MEIS3: variants seen among roughly 807,000 people sequenced by gnomAD.
The protein encoded by MEIS3 is homeobox protein Meis3.
In MEIS3, 38 loss-of-function variants were observed where a neutral mutation model predicts 51.4. The ratio of observed to expected loss-of-function variants is 0.74; its 90% CI spans 0.57 to 0.97. MEIS3 has a LOEUF of 0.97. MEIS3 is among the 50% of genes least tolerant of loss of function. MEIS3 has a pLI of 0.00. For missense variants in MEIS3, 456 were observed against 502.6 expected (o/e 0.91, Z 0.89); for synonymous variants, 198 against 201.8 (o/e 0.98, Z 0.16).
Position 47,406,884 on chromosome 19 carries a change from T to C in MEIS3, c.1078+4A>G, listed in dbSNP as rs1161511484. On this transcript the variant is annotated splice_donor_region_variant and intron_variant, in intron 11 of 12. Transcript: ENST00000558555. ...CGGGGCCTAGCTAAGGGGGCGAGGC[T>C]TACCCGGAGGCCGGACGGCCACGTG... is the stretch of plus-strand genomic sequence containing the variant. 1 of 1,567,474 alleles carries C rather than the reference T, an allele frequency of 6.4e-7. No homozygotes were observed. Among genetic ancestry groups the C allele is most frequent in the Admixed American group, 1.8e-5 (1 of 54,364 alleles).
At chr19:47,407,004 C>T in intron 10 of MEIS3, 33 bp from the exon 11 acceptor site, 2 of 1,574,684 alleles carry the variant, frequency 1.3e-6, no homozygotes, top group Non-Finnish European at 1.7e-6. Flanking sequence ...CAGGCTGAGC[C>T]CCAGGAAGCC....
At chr19:47,420,896 T>G (rs1215226890), upstream of MEIS3, among the ~76,000 whole-genome samples, 5 of 62,508 alleles carry the variant, frequency 8.0e-5, no homozygotes, top group African/African-American at 2.8e-4. Flanking sequence ...TCTCTCGCTC[T>G]CTCTCTCTCT....
chr19:47,416,593 G>C, intron 4 of MEIS3, 59 bp downstream of exon 4: 2 of 1,365,816 alleles, frequency 1.5e-6, no homozygotes. Flanking sequence ...CCCAGGGATG[G>C]GGCGTCAGGG....
At chr19:47,410,524 T>C (rs1442345736) in intron 6 of MEIS3, among the ~76,000 whole-genome samples, 1 of 150,738 alleles carries the variant, frequency 6.6e-6, no homozygotes, top group Non-Finnish European at 1.5e-5. Context: ...CCCATCACTG[T>C]GGGAGGCCCA....
At chr19:47,417,151 A>G in intron 2 of MEIS3, 27 bp downstream of exon 2, 5 of 1,534,600 alleles carry the variant, frequency 3.3e-6, no homozygotes, top group Non-Finnish European at 4.4e-6. Context: ...AGAGAGAGAC[A>G]GGAGCCTGAG....
Position 47,409,519 on chromosome 19 carries a change from T to C in MEIS3, c.626A>G (p.Asp209Gly), listed in dbSNP as rs1971020170. 1 of 1,613,964 alleles carries C rather than the reference T, an allele frequency of 6.2e-7. No homozygotes were observed. The highest frequency in any genetic ancestry group is 1.7e-5 in the Admixed American group (1 of 60,014). The change falls in exon 7 of 13, where the codon GAT (aspartate) becomes GGT (glycine). Residue 209 changes from aspartate to glycine, a missense_variant. Transcript: ENST00000558555. ...QNNMWIRDHE[D>G]SGSVHLGTPG... ...GGTCCCCAAATGTACAGACCCACTA[T>C]CCTCATGGTCTCGAATCCACATATT...
upstream of MEIS3, among the ~76,000 whole-genome samples, chr19:47,420,940 A>ACACACACACACTCTCTAT (rs1187725467): frequency 1.1e-5 from 1 of 90,972 alleles, no homozygotes; most frequent in Non-Finnish European, 2.1e-5. Context: ...ACACACACAC[A>ACACACACACACTCTCTAT]CTCTCTCTCT....
Position 47,406,434 on chromosome 19 carries a change from A to G in MEIS3, c.*17+26T>C, listed in dbSNP as rs757704265. On this transcript the variant is annotated intron_variant, in intron 12 of 12. Coordinates refer to ENST00000558555, the MANE Select transcript of MEIS3 (RefSeq NM_001301059.2). ...TCTAATGGAGGTTTGAGAATTGCAC[A>G]ATCCCCAGCCCTTAGACCCTCACAC... is the stretch of plus-strand genomic sequence containing the variant. 1.9e-6 allele frequency: 3 copies of G among 1,598,580 alleles called. No individual in the cohort carries two copies. In the East Asian group the frequency reaches 6.7e-5, roughly 36 times the overall value.
intron 8 of MEIS3, chr19:47,407,702 C>A: frequency 6.2e-6 from 4 of 647,660 alleles, no homozygotes; most frequent in Non-Finnish European, 9.4e-6. Context: ...GGAGGGGGCT[C>A]CTGTGGCGTG....
At chr19:47,409,586 G>A (rs371282813) in intron 6 of MEIS3, 39 bp from the exon 7 acceptor site, 32 of 1,486,744 alleles carry the variant, frequency 2.2e-5, no homozygotes, top group Non-Finnish European at 2.8e-5. Context: ...CAAGGCGGCC[G>A]GGCGCAGTGG....
chr19:47,408,181 C>T (rs536362175), intron 8 of MEIS3, among the ~76,000 whole-genome samples: 196 of 152,190 alleles, frequency 1.3e-3, no homozygotes, highest in African/African-American at 4.5e-3. Flanking sequence ...GGCTGGAGTG[C>T]AGTGGCGCCT....
intron 12 of MEIS3, among the ~76,000 whole-genome samples, chr19:47,404,028 C>T (rs533911677): frequency 4.3e-4 from 66 of 152,058 alleles, no homozygotes; most frequent in Non-Finnish European, 8.2e-4. Flanking sequence ...AAAGCGAGAC[C>T]CGTCTCTACA....
chr19:47,411,216 G>A lies in MEIS3; in HGVS notation c.598-1669C>T, dbSNP rs546217731. ...CCTCCCAAAGTCTTGGATAACAGGC[G>A]TGAGCCACTGCGCCAGGCCCATTTC... On this transcript the variant is annotated intron_variant, in intron 6 of 12. Transcript: ENST00000558555. Among the ~76,000 whole-genome samples, 25 of 152,176 alleles carry A rather than the reference G, an allele frequency of 1.6e-4. 1 individual carries two copies. The South Asian group carries it at 4.4e-3, about 27-fold the overall frequency.
intron 8 of MEIS3, among the ~76,000 whole-genome samples, chr19:47,407,971 T>G (rs1970933817): frequency 6.6e-6 from 1 of 152,144 alleles, no homozygotes; most frequent in South Asian, 2.1e-4. Flanking sequence ...CATGCCCGAC[T>G]AATTTTTTGT....
intron 4 of MEIS3, 28 bp downstream of exon 4, chr19:47,416,624 G>A (rs1192369815): frequency 2.0e-6 from 3 of 1,492,628 alleles, no homozygotes; most frequent in African/African-American, 2.8e-5. Context: ...ATTGGAGGAG[G>A]GGGTGTGGGG....
rs71962567 is a variant in MEIS3, at chr19:47,417,914, TCC to T, written c.13-566_13-565del. On this transcript the variant is annotated intron_variant, in intron 1 of 12. Transcript: ENST00000558555. ...CACTCATGTGTCAGTCACACCCAAA[TCC>T]CCCCCCCCACACACACATGCACACA... 1,325 of 496,830 alleles carry T rather than the reference TCC, an allele frequency of 2.7e-3. 8 individuals carry two copies. Among genetic ancestry groups the T allele is most frequent in the African/African-American group, 0.02 (946 of 46,426 alleles). 30.8% of individuals were successfully genotyped at this position (496,830 alleles called of 1,614,324 possible).
At chr19:47,417,048 G>A in intron 2 of MEIS3, 85 bp from the exon 3 acceptor site, 14 of 1,532,460 alleles carry the variant, frequency 9.1e-6, no homozygotes, top group Non-Finnish European at 1.1e-5. Flanking sequence ...AGCTGGGGAG[G>A]GGACAAGAGA....
At chr19:47,413,895 T>C (rs1971261316) in intron 6 of MEIS3, among the ~76,000 whole-genome samples, 1 of 134,472 alleles carries the variant, frequency 7.4e-6, no homozygotes, top group African/African-American at 2.8e-5. Context: ...ACCCAGCTAA[T>C]TTTTTTTTTT....
At chr19:47,413,284 C>A (rs560623753) in intron 6 of MEIS3, among the ~76,000 whole-genome samples, 2 of 151,620 alleles carry the variant, frequency 1.3e-5, no homozygotes, top group Non-Finnish European at 2.9e-5. Flanking sequence ...TCCCAGCTAC[C>A]CGGGAGGCTG....
Sources: allele counts gnomAD v4.1 joint callset (sites outside exome capture counted in the v4.1 genomes callset), GRCh38; gene constraint gnomAD v4.1.1; transcripts MANE v1.5; gene names NCBI Gene and HGNC (gene_info 2026-07-23, HGNC 2026-07-21).